The following PIP5K1B variants were observed in gnomAD, a reference collection of about 807,000 sequenced individuals.
The protein encoded by PIP5K1B is phosphatidylinositol-4-phosphate 5-kinase type 1 beta.
A neutral mutation model predicts 67.0 loss-of-function variants in PIP5K1B; 42 were observed. The ratio of observed to expected loss-of-function variants is 0.63; its 90% CI spans 0.49 to 0.81. PIP5K1B has a LOEUF of 0.81. Ranked by LOEUF, PIP5K1B falls within the 30% of genes least tolerant of loss-of-function variation. PIP5K1B has a pLI of 0.00. For synonymous variants in PIP5K1B, 214 were observed against 231.4 expected, an observed-to-expected ratio of 0.92 and a Z score of 0.68; for missense variants, 459 against 646.3, an observed-to-expected ratio of 0.71 and a Z score of 3.14.
chr9:68,739,559 C>T (rs1248963518), intron 1 of PIP5K1B, among the ~76,000 whole-genome samples: 1 of 152,180 alleles, frequency 6.6e-6, no homozygotes, highest in Non-Finnish European at 1.5e-5. Flanking sequence ...TTTCAGCCTC[C>T]TTCTTGGGGC....
intron 15 of PIP5K1B, among the ~76,000 whole-genome samples, chr9:69,004,334 T>TG (rs1491094681): frequency 8.1e-5 from 10 of 124,140 alleles, no homozygotes; most frequent in East Asian, 2.7e-4. Flanking sequence ...TGTGTGTGTG[T>TG]TTTTGTGTGT....
Position 68,876,669 on chromosome 9 carries a change from G to T in PIP5K1B, c.201-8G>T. ...TCTTTCTCTCTCTTTTTAATATTTT[G>T]ACTTCAGCGAAGGGAGCAATCTGAC... is the stretch of plus-strand genomic sequence containing the variant. On this transcript the variant is annotated splice_region_variant and splice_polypyrimidine_tract_variant and intron_variant, in intron 5 of 15. Coordinates refer to ENST00000265382, the MANE Select transcript of PIP5K1B (RefSeq NM_003558.4). 7.0e-7 allele frequency: 1 copy of T among 1,427,862 alleles called. No homozygotes were observed. Among genetic ancestry groups the T allele is most frequent in the Non-Finnish European group, 9.9e-7 (1 of 1,011,442 alleles). 88.4% of individuals were successfully genotyped at this position (1,427,862 alleles called of 1,614,324 possible).
chr9:68,724,033 G>A (rs1259453233), intron 1 of PIP5K1B, among the ~76,000 whole-genome samples: 1 of 151,862 alleles, frequency 6.6e-6, no homozygotes, highest in Non-Finnish European at 1.5e-5. Context: ...AATGCATTTT[G>A]AGTTGATTTT....
intron 2 of PIP5K1B, among the ~76,000 whole-genome samples, chr9:68,761,081 A>T (rs1373933539): frequency 6.6e-6 from 1 of 152,098 alleles, no homozygotes; most frequent in Non-Finnish European, 1.5e-5. Flanking sequence ...TTGGCTATGC[A>T]ACTAACTAGC....
chr9:68,749,282 G>T (rs946197212), intron 2 of PIP5K1B, among the ~76,000 whole-genome samples: 14 of 152,192 alleles, frequency 9.2e-5, no homozygotes, highest in African/African-American at 2.9e-4. Context: ...GGGACATGCA[G>T]GGGAAGGTGA....
intron 2 of PIP5K1B, among the ~76,000 whole-genome samples, chr9:68,766,347 C>T (rs948992858): frequency 7.9e-5 from 12 of 152,072 alleles, no homozygotes; most frequent in African/African-American, 2.9e-4. Context: ...AGCACTTCTA[C>T]TTTGAATAAT....
intron 1 of PIP5K1B, among the ~76,000 whole-genome samples, chr9:68,706,825 C>A (rs1291818531): frequency 1.3e-5 from 2 of 151,882 alleles, no homozygotes; most frequent in Non-Finnish European, 2.9e-5. Flanking sequence ...TTTTGTCCCT[C>A]TAATGAAGCA....
At chr9:68,907,173 A>G (rs1472103749) in intron 8 of PIP5K1B, among the ~76,000 whole-genome samples, 1 of 152,196 alleles carries the variant, frequency 6.6e-6, no homozygotes, top group African/African-American at 2.4e-5. Flanking sequence ...TGTTTATTCA[A>G]AGTTGAACTC....
At chr9:68,904,328 A>G (rs1039204695) in intron 8 of PIP5K1B, among the ~76,000 whole-genome samples, 15 of 152,234 alleles carry the variant, frequency 9.9e-5, no homozygotes, top group Non-Finnish European at 4.4e-5. Context: ...TCTGACAAGG[A>G]GATACAGGGG....
chr9:68,767,643 A>G (rs1413726472), intron 2 of PIP5K1B, among the ~76,000 whole-genome samples: 1 of 151,930 alleles, frequency 6.6e-6, no homozygotes, highest in Non-Finnish European at 1.5e-5. Context: ...AATGCATTAA[A>G]TAAATACCAT....
intron 8 of PIP5K1B, among the ~76,000 whole-genome samples, chr9:68,908,439 A>G (rs533521102): frequency 7.0e-6 from 1 of 143,202 alleles, no homozygotes; most frequent in African/African-American, 2.9e-5. Flanking sequence ...TAAGTGTGGA[A>G]AAAAAAAAAG....
At chr9:68,772,927 C>T (rs1330047405) in intron 2 of PIP5K1B, among the ~76,000 whole-genome samples, 1 of 152,114 alleles carries the variant, frequency 6.6e-6, no homozygotes, top group Non-Finnish European at 1.5e-5. Flanking sequence ...GTTTGCAAGG[C>T]CTTTTATGGA....
chr9:68,842,484 T>C (rs1821966810), intron 4 of PIP5K1B, among the ~76,000 whole-genome samples: 1 of 152,200 alleles, frequency 6.6e-6, no homozygotes, highest in East Asian at 1.9e-4. Context: ...ACACCTACAA[T>C]ATGAGACACT....
chr9:68,845,621 A>G (rs1174866190), intron 4 of PIP5K1B, among the ~76,000 whole-genome samples: 2 of 152,224 alleles, frequency 1.3e-5, no homozygotes, highest in Non-Finnish European at 2.9e-5. Flanking sequence ...GGCAGGTGGG[A>G]GAAGCTGAAG....
intron 14 of PIP5K1B, among the ~76,000 whole-genome samples, chr9:68,959,728 A>G (rs2132735291): frequency 6.6e-6 from 1 of 152,250 alleles, no homozygotes; most frequent in African/African-American, 2.4e-5. Flanking sequence ...GTTTCATTAT[A>G]TTTCCTTATA....
chr9:68,961,164 T>A (rs182163428), intron 14 of PIP5K1B, among the ~76,000 whole-genome samples: 2 of 149,344 alleles, frequency 1.3e-5, no homozygotes, highest in East Asian at 3.9e-4. Context: ...GAGCCGAGAT[T>A]GCGCCACTGC....
At chr9:68,930,867 A>G (rs1826961505) in intron 12 of PIP5K1B, among the ~76,000 whole-genome samples, 1 of 152,166 alleles carries the variant, frequency 6.6e-6, no homozygotes, top group Non-Finnish European at 1.5e-5. Flanking sequence ...GTAGACACTC[A>G]ATGGTTATTT....
At chr9:68,942,088 GT>G (rs1241039546) in intron 14 of PIP5K1B, among the ~76,000 whole-genome samples, 2 of 152,176 alleles carry the variant, frequency 1.3e-5, no homozygotes, top group Admixed American at 6.5e-5. Flanking sequence ...GATTTGGTCA[GT>G]TTCCTTGGAT....
At chr9:68,921,725 C>T (rs1826415339) in intron 11 of PIP5K1B, among the ~76,000 whole-genome samples, 2 of 152,164 alleles carry the variant, frequency 1.3e-5, no homozygotes, top group Non-Finnish European at 2.9e-5. Context: ...GTGGCACATG[C>T]CTGTAATCCC....
Sources: gnomAD v4.1 joint callset for allele counts (sites outside exome capture counted in the v4.1 genomes callset) on GRCh38, gnomAD v4.1.1 for gene constraint, MANE v1.5 for transcripts, NCBI Gene and HGNC (gene_info 2026-07-23, HGNC 2026-07-21) for gene names.